The following CFAP47 variants were observed in gnomAD, a reference collection of about 807,000 sequenced individuals.
The protein encoded by CFAP47 is cilia- and flagella-associated protein 47.
A neutral mutation model predicts 148.1 loss-of-function variants in CFAP47; 29 were observed. The observed-to-expected ratio is 0.20, with a 90% CI of 0.15 to 0.27. CFAP47 has a LOEUF of 0.27. CFAP47 is among the 10% of genes least tolerant of loss of function. The probability of loss-of-function intolerance (pLI) is 1.00; values close to 1 mark genes in which losing one functional copy is unlikely to be tolerated. For missense variants in CFAP47, 1,872 were observed against 1,697.5 expected (o/e 1.10, Z -1.81); for synonymous variants, 664 against 577.3 (o/e 1.15, Z -2.15).
chrX:36,267,253 G>T (rs1940903571), intron 49 of CFAP47, among the ~76,000 whole-genome samples: 2 of 110,890 alleles, frequency 1.8e-5, no homozygotes, highest in African/African-American at 6.6e-5. Flanking sequence ...ATATGATATG[G>T]GCATATGGGG....
chrX:35,986,166 G>T, intron 15 of CFAP47, among the ~76,000 whole-genome samples: 1 of 110,289 alleles, frequency 9.1e-6, no homozygotes, highest in East Asian at 2.9e-4. Flanking sequence ...TGCTAGGTTG[G>T]GGAAGTTCTC....
At chrX:35,921,615 G>C (rs1468173731) in intron 1 of CFAP47, among the ~76,000 whole-genome samples, 2 of 111,576 alleles carry the variant, frequency 1.8e-5, no homozygotes, top group African/African-American at 3.3e-5. Flanking sequence ...AGGATATAAT[G>C]GAAAACAATT....
chrX:35,947,223 T>A (rs150391850), intron 3 of CFAP47, among the ~76,000 whole-genome samples: 1,844 of 110,758 alleles, frequency 0.017, 47 homozygotes, highest in African/African-American at 0.058. Context: ...AGTTATTTTT[T>A]AATTGGTCAT....
At chrX:36,121,223 C>T (rs1215869890) in intron 33 of CFAP47, among the ~76,000 whole-genome samples, 1 of 110,942 alleles carries the variant, frequency 9.0e-6, no homozygotes, top group Non-Finnish European at 1.9e-5. Flanking sequence ...ATTTTTTCCA[C>T]CCCTTTATAA....
At chrX:36,361,616 A>T in intron 61 of CFAP47, 115 bp downstream of exon 61, 1 of 336,145 alleles carries the variant, frequency 3.0e-6, no homozygotes, top group Non-Finnish European at 5.0e-6. Context: ...ATTTAATATT[A>T]TTGAGAAATA....
chrX:36,266,364 A>T (rs984959144), intron 49 of CFAP47, among the ~76,000 whole-genome samples: 1 of 110,488 alleles, frequency 9.1e-6, no homozygotes, highest in Non-Finnish European at 1.9e-5. Flanking sequence ...CACCAGAAGG[A>T]AGTACTTGGG....
intron 26 of CFAP47, among the ~76,000 whole-genome samples, chrX:36,059,899 G>A (rs1285693445): frequency 1.8e-5 from 2 of 110,840 alleles, no homozygotes; most frequent in Non-Finnish European, 3.8e-5. Flanking sequence ...TTGAGTTCTC[G>A]CTCTGTTAGT....
intron 39 of CFAP47, among the ~76,000 whole-genome samples, chrX:36,176,696 G>A (rs1006002760): frequency 8.9e-6 from 1 of 112,021 alleles, no homozygotes; most frequent in Non-Finnish European, 1.9e-5. Flanking sequence ...ATGAGGTCAG[G>A]AGTTCAAGAC....
chrX:36,167,196 A>C (rs1344032), intron 39 of CFAP47, among the ~76,000 whole-genome samples: 1 of 110,154 alleles, frequency 9.1e-6, no homozygotes, highest in Non-Finnish European at 1.9e-5. Context: ...AACTGGCACT[A>C]TTTCTGAGAA....
chrX:36,188,873 T>G (rs1308983639), intron 41 of CFAP47, among the ~76,000 whole-genome samples, 183 bp downstream of exon 41: 2 of 111,225 alleles, frequency 1.8e-5, no homozygotes, highest in African/African-American at 6.5e-5. Flanking sequence ...GATGACCCTT[T>G]GGACAACTCT....
intron 55 of CFAP47, 138 bp from the exon 56 acceptor site, chrX:36,310,695 G>T: frequency 2.9e-6 from 1 of 344,841 alleles, no homozygotes; most frequent in Non-Finnish European, 4.9e-6. Flanking sequence ...GAAAAGAAAG[G>T]AAAAATAAAA....
chrX:36,295,895 T>C (rs943074333), intron 51 of CFAP47, among the ~76,000 whole-genome samples: 2 of 112,178 alleles, frequency 1.8e-5, no homozygotes, highest in Non-Finnish European at 1.9e-5. Context: ...ATCCTAGAAA[T>C]ATAGTACAGT....
intron 51 of CFAP47, among the ~76,000 whole-genome samples, chrX:36,290,411 A>G (rs1941182075): frequency 1.8e-5 from 2 of 112,062 alleles, no homozygotes. Flanking sequence ...AGATTTAGCT[A>G]TTTACTCTTA....
chrX:35,989,743 A>G (rs1037061170), intron 16 of CFAP47: 13 of 469,890 alleles, frequency 2.8e-5, no homozygotes, highest in Non-Finnish European at 4.2e-5. Flanking sequence ...TTTTTCTGGT[A>G]CAGTCCAGAG....
chrX:35,962,547 T>C (rs1318922123), intron 8 of CFAP47, among the ~76,000 whole-genome samples: 1 of 111,281 alleles, frequency 9.0e-6, no homozygotes, highest in South Asian at 3.7e-4. Flanking sequence ...TTTATCATTA[T>C]AAAATGCTCT....
At chrX:36,178,102 G>A (rs1251827725) in intron 39 of CFAP47, among the ~76,000 whole-genome samples, 2 of 111,649 alleles carry the variant, frequency 1.8e-5, no homozygotes, top group Non-Finnish European at 1.9e-5. Context: ...ATTACCACAT[G>A]TCCTTATTTA....
intron 29 of CFAP47, among the ~76,000 whole-genome samples, chrX:36,077,183 C>CTTTTTTTTTTTTTTTTTTTTT (rs776287161): frequency 4.8e-5 from 1 of 20,995 alleles, no homozygotes. Flanking sequence ...GCGCCTCCAG[C>CTTTTTTTTTTTTTTTTTTTTT]TTTTTTTTTT....
At chrX:36,122,927 T>C (rs1003913424) in intron 33 of CFAP47, among the ~76,000 whole-genome samples, 1 of 111,665 alleles carries the variant, frequency 9.0e-6, no homozygotes, top group East Asian at 2.8e-4. Context: ...CAGTCTGGGC[T>C]TGTTTGTACC....
intron 22 of CFAP47, among the ~76,000 whole-genome samples, chrX:36,028,667 T>C (rs1937248310): frequency 9.0e-6 from 1 of 111,532 alleles, no homozygotes; most frequent in African/African-American, 3.2e-5. Context: ...TTATTGTTTG[T>C]ATATAGAAAC....
Sources: gnomAD v4.1 joint callset for allele counts (sites outside exome capture counted in the v4.1 genomes callset) on GRCh38, gnomAD v4.1.1 for gene constraint, MANE v1.5 for transcripts, NCBI Gene and HGNC (gene_info 2026-07-23, HGNC 2026-07-21) for gene names.